The following IMMP2L variants were observed in gnomAD, a reference collection of about 807,000 sequenced individuals.
The protein encoded by IMMP2L is mitochondrial inner membrane protease subunit 2.
In IMMP2L, 18 loss-of-function variants were observed where a neutral mutation model predicts 19.3. The ratio of observed to expected loss-of-function variants is 0.93; its 90% CI spans 0.64 to 1.38. The LOEUF (loss-of-function observed/expected upper bound fraction) is 1.38. Ranked by LOEUF, IMMP2L falls within the 40% of genes most tolerant of loss-of-function variation. The probability of loss-of-function intolerance (pLI) is 0.00; values close to 1 mark genes in which losing one functional copy is unlikely to be tolerated. For missense variants in IMMP2L, 233 were observed against 218.2 expected (o/e 1.07, Z -0.43); for synonymous variants, 76 against 73.0 (o/e 1.04, Z -0.21).
Position 110,845,899 on chromosome 7 carries a change from G to A in IMMP2L, c.408+40694C>T, listed in dbSNP as rs151111644. ...TTTCCTTGCCCTTTTCCCACCATGTGAGGATAGAAAAAAGGTGCCAACTAT... is the reference window on the plus strand; with the variant it reads ...TTTCCTTGCCCTTTTCCCACCATGTAAGGATAGAAAAAAGGTGCCAACTAT... On this transcript the variant is annotated intron_variant, in intron 5 of 5. Transcript: ENST00000405709. 5.0e-4 allele frequency among the ~76,000 whole-genome samples: 76 copies of A among 152,204 alleles called. 3 individuals carry two copies. The East Asian group carries it at 0.014, about 28-fold the overall frequency.
At chr7:110,956,278 G>T (rs1344999382) in intron 4 of IMMP2L, among the ~76,000 whole-genome samples, 3 of 151,918 alleles carry the variant, frequency 2.0e-5, no homozygotes, top group Non-Finnish European at 4.4e-5. Flanking sequence ...CTCTATTTCC[G>T]ATTAGTCTGC....
intron 3 of IMMP2L, among the ~76,000 whole-genome samples, chr7:111,450,880 C>A (rs1839080189): frequency 1.3e-5 from 2 of 150,894 alleles, no homozygotes; most frequent in South Asian, 4.2e-4. Context: ...ACAAACAACC[C>A]CATCAAAAAG....
chr7:111,109,147 T>G (rs1468874390), intron 3 of IMMP2L, among the ~76,000 whole-genome samples: 1 of 152,154 alleles, frequency 6.6e-6, no homozygotes, highest in Non-Finnish European at 1.5e-5. Context: ...TCAAGAAGAA[T>G]TAAAGACCAA....
intron 3 of IMMP2L, among the ~76,000 whole-genome samples, chr7:111,116,702 A>T (rs1437659928): frequency 1.3e-5 from 2 of 152,174 alleles, no homozygotes; most frequent in African/African-American, 2.4e-5. Context: ...TTTTTATTTT[A>T]TTCCTTCCAC....
intron 5 of IMMP2L, among the ~76,000 whole-genome samples, chr7:110,725,164 G>A (rs764130895): frequency 1.3e-5 from 2 of 152,118 alleles, no homozygotes; most frequent in East Asian, 1.9e-4. Context: ...ACACCACAAA[G>A]GCATTTCAGA....
chr7:110,861,646 G>A (rs1807443638), intron 5 of IMMP2L, among the ~76,000 whole-genome samples: 1 of 147,132 alleles, frequency 6.8e-6, no homozygotes, highest in African/African-American at 2.7e-5. Context: ...ACCTCCAGAT[G>A]ACAGTTTTCT....
At chr7:111,415,085 A>G (rs557724578) in intron 3 of IMMP2L, among the ~76,000 whole-genome samples, 1 of 151,890 alleles carries the variant, frequency 6.6e-6, no homozygotes, top group Admixed American at 6.6e-5. Context: ...TGATTCTGGG[A>G]GTCCTTAAAA....
chr7:110,777,011 G>T (rs1447058422), intron 5 of IMMP2L, among the ~76,000 whole-genome samples: 4 of 151,992 alleles, frequency 2.6e-5, no homozygotes, highest in Non-Finnish European at 4.4e-5. Context: ...CTAAGACAGG[G>T]TTTGTTAATA....
intron 5 of IMMP2L, among the ~76,000 whole-genome samples, chr7:110,706,656 C>T (rs1248939040): frequency 2.0e-5 from 3 of 152,022 alleles, no homozygotes; most frequent in Non-Finnish European, 1.5e-5. Context: ...TGTCTTCTTT[C>T]AAGAAGTGTC....
chr7:111,170,308 G>A lies in IMMP2L; in HGVS notation c.240-206743C>T, dbSNP rs188054195. Reference sequence around the variant, plus strand: ...TCAAACCAGGGAATCTAGATGTACAGGAAACAACAGGTAGATTGGCAAAAA... The same window carrying A: ...TCAAACCAGGGAATCTAGATGTACAAGAAACAACAGGTAGATTGGCAAAAA... On this transcript the variant is annotated intron_variant, in intron 3 of 5. Transcript: ENST00000405709. 1.7e-3 allele frequency among the ~76,000 whole-genome samples: 253 copies of A among 151,880 alleles called. 1 individual carries two copies. The highest frequency in any genetic ancestry group is 5.9e-3 in the African/African-American group (243 of 41,494).
intron 3 of IMMP2L, among the ~76,000 whole-genome samples, chr7:111,127,574 G>A (rs1229837016): frequency 6.6e-6 from 1 of 152,110 alleles, no homozygotes; most frequent in Non-Finnish European, 1.5e-5. Context: ...CAGTGAGAGA[G>A]AAAAGACATC....
At chr7:111,108,448 A>G (rs1798796381) in intron 3 of IMMP2L, among the ~76,000 whole-genome samples, 1 of 152,088 alleles carries the variant, frequency 6.6e-6, no homozygotes, top group South Asian at 2.1e-4. Flanking sequence ...TTATACCCCC[A>G]CTACACTGTG....
At chr7:111,429,756 T>C (rs1836446251) in intron 3 of IMMP2L, among the ~76,000 whole-genome samples, 1 of 151,908 alleles carries the variant, frequency 6.6e-6, no homozygotes. Flanking sequence ...GAAGAAATGG[T>C]ATCTTCCTAG....
intron 3 of IMMP2L, chr7:111,391,971 G>A (rs1448333412): frequency 8.5e-5 from 60 of 702,966 alleles, no homozygotes; most frequent in Non-Finnish European, 1.5e-4. Context: ...CTTCTCGGTT[G>A]GCAACAGAGG....
chr7:111,098,035 A>G (rs1258934046), intron 3 of IMMP2L, among the ~76,000 whole-genome samples: 1 of 151,902 alleles, frequency 6.6e-6, no homozygotes, highest in African/African-American at 2.4e-5. Context: ...AACAGAATGG[A>G]AAGAGCAAAA....
chr7:111,170,070 C>G (rs775962999), intron 3 of IMMP2L, among the ~76,000 whole-genome samples: 1 of 151,842 alleles, frequency 6.6e-6, no homozygotes, highest in African/African-American at 2.4e-5. Context: ...TTTGTCTATA[C>G]ATATGCATAC....
chr7:111,341,797 T>C (rs1396066314), intron 3 of IMMP2L, among the ~76,000 whole-genome samples: 1 of 152,132 alleles, frequency 6.6e-6, no homozygotes, highest in East Asian at 1.9e-4. Context: ...AGGTGAGGCC[T>C]AATGGGAGGT....
At chr7:111,054,345 T>C (rs1174644606) in intron 3 of IMMP2L, among the ~76,000 whole-genome samples, 5 of 152,222 alleles carry the variant, frequency 3.3e-5, no homozygotes, top group Admixed American at 3.3e-4. Flanking sequence ...CATTTAAAAA[T>C]AGTTCATTCT....
At chr7:110,833,680 A>G (rs2131396583) in intron 5 of IMMP2L, among the ~76,000 whole-genome samples, 1 of 152,284 alleles carries the variant, frequency 6.6e-6, no homozygotes, top group African/African-American at 2.4e-5. Context: ...CATATTAAAC[A>G]TTACATTTCA....
Sources: allele counts gnomAD v4.1 joint callset (sites outside exome capture counted in the v4.1 genomes callset), GRCh38; gene constraint gnomAD v4.1.1; transcripts MANE v1.5; gene names NCBI Gene and HGNC (gene_info 2026-07-23, HGNC 2026-07-21).